Variants in PKNOX2 observed in about 807,000 individuals in gnomAD.
PKNOX2 encodes the protein homeobox protein PKNOX2.
A neutral mutation model predicts 53.1 loss-of-function variants in PKNOX2; 14 were observed. That is an observed-to-expected ratio of 0.26 (90% confidence interval 0.17 to 0.41). The LOEUF (loss-of-function observed/expected upper bound fraction) is 0.41, where lower values mean the gene tolerates loss of function less well. Ranked by LOEUF, PKNOX2 falls within the 10% of genes least tolerant of loss-of-function variation. The pLI is 1.00. For missense variants in PKNOX2, 496 were observed against 602.8 expected (o/e 0.82, Z 1.85); for synonymous variants, 257 against 242.8 (o/e 1.06, Z -0.54).
At chr11:125,429,117 C>T (rs765252837) in intron 11 of PKNOX2, 29 bp downstream of exon 11, 3 of 1,576,690 alleles carry the variant, frequency 1.9e-6, no homozygotes, top group Non-Finnish European at 2.6e-6. Context: ...CATGCAGGCT[C>T]CCAGATCCAG....
At chr11:125,398,175 T>C in intron 7 of PKNOX2, 113 bp downstream of exon 7, 1 of 1,138,756 alleles carries the variant, frequency 8.8e-7, no homozygotes, top group Admixed American at 2.8e-5. Flanking sequence ...CCCACTGGGT[T>C]CCTTTGCCAT....
chr11:125,342,165 CTT>C (rs140732508), intron 3 of PKNOX2, among the ~76,000 whole-genome samples: 2 of 144,412 alleles, frequency 1.4e-5, no homozygotes, highest in African/African-American at 2.5e-5. Flanking sequence ...TGACTCTTGA[CTT>C]TTTTTTTTTT....
chr11:125,406,917 TAAAAAAAAAAAAA>T (rs67687488), intron 7 of PKNOX2, among the ~76,000 whole-genome samples: 1 of 41,716 alleles, frequency 2.4e-5, no homozygotes, highest in African/African-American at 1.1e-4. Context: ...AATCTATGTC[TAAAAAAAAAAAAA>T]AAAAAAAAAA....
At chr11:125,250,738 A>G (rs1038707246) in intron 2 of PKNOX2, among the ~76,000 whole-genome samples, 20 of 152,344 alleles carry the variant, frequency 1.3e-4, no homozygotes, top group African/African-American at 4.3e-4. Context: ...AGGAAGACAC[A>G]CCTATCGGAG....
chr11:125,275,853 GA>G (rs1473154081), intron 2 of PKNOX2, among the ~76,000 whole-genome samples: 1 of 152,318 alleles, frequency 6.6e-6, no homozygotes, highest in East Asian at 1.9e-4. Flanking sequence ...CTGGGTGTCT[GA>G]AAAGAGGTTC....
At chr11:125,318,251 C>T (rs905877255) in intron 2 of PKNOX2, among the ~76,000 whole-genome samples, 3 of 151,824 alleles carry the variant, frequency 2.0e-5, no homozygotes, top group Non-Finnish European at 4.4e-5. Context: ...GGATTACAGG[C>T]ACCCGCCATC....
chr11:125,354,864 C>CACT lies in PKNOX2; in HGVS notation c.87+3472_87+3473insACT, dbSNP rs1337345501. Among the ~76,000 whole-genome samples, 480 of 152,338 alleles carry CACT rather than the reference C, an allele frequency of 3.2e-3. 4 individuals are homozygous for CACT. The highest frequency in any genetic ancestry group is 0.011 in the African/African-American group (448 of 41,574). On this transcript the variant is annotated intron_variant, in intron 4 of 12. Coordinates refer to ENST00000298282, the MANE Select transcript of PKNOX2 (RefSeq NM_001382323.2). ...AAGTGATACGATGGCTAAGCGGCTT[C>CACT]TAGCCCCTTAGTTCTGTTGCAGTCC...
chr11:125,224,475 C>T (rs1013787428), intron 1 of PKNOX2, among the ~76,000 whole-genome samples: 1 of 152,196 alleles, frequency 6.6e-6, no homozygotes, highest in African/African-American at 2.4e-5. Context: ...AAGCTGCCGG[C>T]CTTGCCTGGG....
At chr11:125,196,657 C>T (rs1003368182) in intron 1 of PKNOX2, among the ~76,000 whole-genome samples, 7 of 152,164 alleles carry the variant, frequency 4.6e-5, no homozygotes, top group African/African-American at 1.7e-4. Context: ...TCACCTGTGG[C>T]CTTGGGCAAG....
chr11:125,315,377 A>G (rs1949111227), intron 2 of PKNOX2, among the ~76,000 whole-genome samples: 1 of 149,724 alleles, frequency 6.7e-6, no homozygotes, highest in Admixed American at 6.7e-5. Context: ...TTGTGCTCCC[A>G]AACTGGTGGG....
chr11:125,286,940 C>T (rs536766951), intron 2 of PKNOX2, among the ~76,000 whole-genome samples: 3 of 152,308 alleles, frequency 2.0e-5, no homozygotes, highest in East Asian at 1.9e-4. Context: ...AGAGGGAAAG[C>T]GTTGCTGATC....
At chr11:125,323,108 CAGGAGAGTTA>C (rs1411587398) in intron 2 of PKNOX2, among the ~76,000 whole-genome samples, 1 of 152,014 alleles carries the variant, frequency 6.6e-6, no homozygotes, top group Non-Finnish European at 1.5e-5. Flanking sequence ...CGTGCTGATG[CAGGAGAGTTA>C]TGGATGGAGG....
intron 2 of PKNOX2, among the ~76,000 whole-genome samples, chr11:125,236,387 G>A (rs1462475695): frequency 5.1e-5 from 7 of 137,944 alleles, no homozygotes; most frequent in African/African-American, 1.8e-4. Flanking sequence ...GAGGTGGGGC[G>A]GGGGGTGGGT....
chr11:125,304,854 C>T (rs1221198040), intron 2 of PKNOX2, among the ~76,000 whole-genome samples: 1 of 152,166 alleles, frequency 6.6e-6, no homozygotes, highest in Non-Finnish European at 1.5e-5. Context: ...AGAAAACAAA[C>T]CAAGATCCCT....
chr11:125,237,183 T>A (rs1942765053), intron 2 of PKNOX2, among the ~76,000 whole-genome samples: 1 of 152,216 alleles, frequency 6.6e-6, no homozygotes, highest in South Asian at 2.1e-4. Flanking sequence ...GACAGCTCCA[T>A]GTAGCCTGAG....
At chr11:125,367,040 A>G (rs1207225011) in intron 4 of PKNOX2, among the ~76,000 whole-genome samples, 1 of 152,226 alleles carries the variant, frequency 6.6e-6, no homozygotes, top group Non-Finnish European at 1.5e-5. Flanking sequence ...GCTTATCATC[A>G]TTCACACTTT....
intron 2 of PKNOX2, among the ~76,000 whole-genome samples, chr11:125,292,986 C>T (rs1947401769): frequency 6.6e-6 from 1 of 152,152 alleles, no homozygotes; most frequent in Admixed American, 6.5e-5. Flanking sequence ...ACCACCTAAC[C>T]TTGTTCACAG....
chr11:125,385,521 C>T lies in PKNOX2; in HGVS notation c.228-30C>T, dbSNP rs767964601. ...GGTAGCAGCACGGTCTCTGTGTGTG[C>T]GCATGTGTGAGCTCTTGATGTCCCT... On this transcript the variant is annotated intron_variant, in intron 5 of 12. Coordinates refer to ENST00000298282, the MANE Select transcript of PKNOX2 (RefSeq NM_001382323.2). 1.6e-4 allele frequency: 248 copies of T among 1,583,558 alleles called. 3 individuals are homozygous for T. In the Admixed American group the frequency reaches 3.9e-3, roughly 25 times the overall value.
At chr11:125,401,781 G>GTGTGTGTGTA (rs1954769889) in intron 7 of PKNOX2, among the ~76,000 whole-genome samples, 1 of 151,940 alleles carries the variant, frequency 6.6e-6, no homozygotes, top group Non-Finnish European at 1.5e-5. Flanking sequence ...GTGTGTGTGT[G>GTGTGTGTGTA]TGTGTGTGTA....
Sources: gnomAD v4.1 joint callset for allele counts (sites outside exome capture counted in the v4.1 genomes callset) on GRCh38, gnomAD v4.1.1 for gene constraint, MANE v1.5 for transcripts, NCBI Gene and HGNC (gene_info 2026-07-23, HGNC 2026-07-21) for gene names.